The following LUC7L2 variants were observed in gnomAD, a reference collection of about 807,000 sequenced individuals.
LUC7L2 encodes the protein putative RNA-binding protein Luc7-like 2.
In LUC7L2, 25 loss-of-function variants were observed where a neutral mutation model predicts 52.8. The observed-to-expected ratio is 0.47, with a 90% CI of 0.34 to 0.66. The LOEUF is 0.66. LUC7L2 is among the 30% of genes least tolerant of loss of function. LUC7L2 has a pLI of 0.01. For synonymous variants in LUC7L2, 144 were observed against 160.9 expected, an observed-to-expected ratio of 0.89 and a Z score of 0.80; for missense variants, 328 against 497.8, an observed-to-expected ratio of 0.66 and a Z score of 3.25.
At chr7:139,396,422 G>A (rs1376206452) in intron 2 of LUC7L2, among the ~76,000 whole-genome samples, 1 of 152,116 alleles carries the variant, frequency 6.6e-6, no homozygotes, top group Non-Finnish European at 1.5e-5. Context: ...CAGCCTAGGT[G>A]ACAAAGTGAG....
chr7:139,392,953 A>C (rs1416548618), intron 2 of LUC7L2, among the ~76,000 whole-genome samples: 2 of 151,486 alleles, frequency 1.3e-5, no homozygotes, highest in Non-Finnish European at 2.9e-5. Flanking sequence ...TGCACCCAGC[A>C]ACTACTTGTT....
At chr7:139,388,059 G>T (rs1794283358) in intron 2 of LUC7L2, among the ~76,000 whole-genome samples, 2 of 151,510 alleles carry the variant, frequency 1.3e-5, no homozygotes, top group African/African-American at 2.4e-5. Flanking sequence ...ATCCTATCTG[G>T]CTTACTATAT....
chr7:139,406,617 G>C (rs1272856838), intron 5 of LUC7L2, among the ~76,000 whole-genome samples: 1 of 152,036 alleles, frequency 6.6e-6, no homozygotes, highest in Non-Finnish European at 1.5e-5. Flanking sequence ...GCCTCCCAAA[G>C]TGCTGGGATT....
intron 9 of LUC7L2, among the ~76,000 whole-genome samples, 190 bp from the exon 10 acceptor site, chr7:139,421,973 C>G (rs1331812366): frequency 1.3e-5 from 2 of 152,030 alleles, no homozygotes; most frequent in Non-Finnish European, 2.9e-5. Context: ...TGTTTTTCAC[C>G]CATCTTCTTG....
intron 1 of LUC7L2, among the ~76,000 whole-genome samples, chr7:139,363,787 AC>A (rs945665090): frequency 6.6e-6 from 1 of 152,184 alleles, no homozygotes; most frequent in African/African-American, 2.4e-5. Flanking sequence ...AGTTGGAAGA[AC>A]CCAGTACCCT....
chr7:139,415,747 C>T (rs566246418), intron 8 of LUC7L2, among the ~76,000 whole-genome samples: 1 of 151,900 alleles, frequency 6.6e-6, no homozygotes, highest in South Asian at 2.1e-4. Context: ...AAGCAGTCCT[C>T]CCATTGTGGC....
intron 2 of LUC7L2, 36 bp from the exon 3 acceptor site, chr7:139,398,563 T>C (rs1569386217): frequency 6.5e-7 from 1 of 1,547,532 alleles, no homozygotes; most frequent in East Asian, 2.3e-5. Context: ...AAAAAACTTT[T>C]TTTTGTTTTA....
chr7:139,418,598 C>A lies in LUC7L2; in HGVS notation c.1001+869C>A, dbSNP rs947604702. ...AAAATCCACAGAAAGCTGTTAAAAT[C>A]TTTCCTATTTTTTTTTGACTCAACT... On this transcript the variant is annotated intron_variant, in intron 9 of 9. Coordinates refer to ENST00000354926, the MANE Select transcript of LUC7L2 (RefSeq NM_016019.5). 2.6e-5 allele frequency among the ~76,000 whole-genome samples: 4 copies of A among 152,088 alleles called. No individual in the cohort carries two copies. The East Asian group carries it at 7.7e-4, about 29-fold the overall frequency.
At chr7:139,417,400 C>T in intron 8 of LUC7L2, 138 bp from the exon 9 acceptor site, 1 of 1,064,832 alleles carries the variant, frequency 9.4e-7, no homozygotes, top group Admixed American at 2.8e-5. Flanking sequence ...ACCAGCAATT[C>T]AGTGTAGATT....
chr7:139,384,125 G>GT (rs1189072062), intron 2 of LUC7L2, among the ~76,000 whole-genome samples: 1 of 152,044 alleles, frequency 6.6e-6, no homozygotes, highest in Non-Finnish European at 1.5e-5. Context: ...TCTGTAAATT[G>GT]TTTAACTCTT....
At chr7:139,416,260 C>T (rs1432922797) in intron 8 of LUC7L2, 2 of 151,520 alleles carry the variant, frequency 1.3e-5, no homozygotes, top group East Asian at 3.9e-4. Flanking sequence ...CATGCCATTT[C>T]CACCCTCACC....
At chr7:139,351,622 T>A (rs1444938614) in intron 1 of LUC7L2, among the ~76,000 whole-genome samples, 1 of 152,250 alleles carries the variant, frequency 6.6e-6, no homozygotes, top group African/African-American at 2.4e-5. Context: ...CTCCAGGGCC[T>A]GGCCCTTGCC....
intron 2 of LUC7L2, among the ~76,000 whole-genome samples, chr7:139,390,132 G>T (rs10156073): frequency 0.11 from 16,494 of 152,086 alleles, 2,506 homozygotes; most frequent in African/African-American, 0.34. Flanking sequence ...CAGGTTGGAA[G>T]GTCAGAGAGT....
At chr7:139,389,170 C>T (rs1310362512) in intron 2 of LUC7L2, among the ~76,000 whole-genome samples, 6 of 151,546 alleles carry the variant, frequency 4.0e-5, no homozygotes, top group Admixed American at 2.6e-4. Flanking sequence ...CTTTTCTTGC[C>T]CTTTGTCTCT....
intron 3 of LUC7L2, among the ~76,000 whole-genome samples, chr7:139,399,940 A>AT (rs1260045887): frequency 6.6e-6 from 1 of 152,202 alleles, no homozygotes; most frequent in Non-Finnish European, 1.5e-5. Context: ...TACATAAAAC[A>AT]TACTAATGTG....
intron 3 of LUC7L2, 71 bp from the exon 4 acceptor site, chr7:139,402,066 A>AT: frequency 3.5e-6 from 5 of 1,447,800 alleles, no homozygotes; most frequent in Non-Finnish European, 4.6e-6. Flanking sequence ...GCAAAGTGTG[A>AT]TTTTTGTATG....
At chr7:139,393,435 A>G (rs1422217862) in intron 2 of LUC7L2, among the ~76,000 whole-genome samples, 1 of 152,096 alleles carries the variant, frequency 6.6e-6, no homozygotes, top group Non-Finnish European at 1.5e-5. Context: ...GTCTCTAAAA[A>G]AGTAAAAATA....
At chr7:139,416,320 TAA>T (rs1479012724) in intron 8 of LUC7L2, 1 of 151,884 alleles carries the variant, frequency 6.6e-6, no homozygotes, top group Non-Finnish European at 1.5e-5. Flanking sequence ...GTGGAGGCTA[TAA>T]AAGTGTCTTA....
intron 2 of LUC7L2, among the ~76,000 whole-genome samples, chr7:139,398,321 G>C (rs1794749353): frequency 6.6e-6 from 1 of 152,140 alleles, no homozygotes; most frequent in Admixed American, 6.5e-5. Context: ...TTGTGATATA[G>C]AAGCTAGCTT....
Sources: gnomAD v4.1 joint callset for allele counts (sites outside exome capture counted in the v4.1 genomes callset) on GRCh38, gnomAD v4.1.1 for gene constraint, MANE v1.5 for transcripts, NCBI Gene and HGNC (gene_info 2026-07-23, HGNC 2026-07-21) for gene names.